The following SKP2 variants were observed in gnomAD, a reference collection of about 807,000 sequenced individuals.
SKP2 encodes the protein S-phase kinase-associated protein 2.
SKP2 carries 16 observed loss-of-function variants against 51.8 expected under a neutral mutation model. That is an observed-to-expected ratio of 0.31 (90% confidence interval 0.21 to 0.47). The LOEUF (loss-of-function observed/expected upper bound fraction) is 0.47, where lower values mean the gene tolerates loss of function less well. SKP2 is among the 20% of genes least tolerant of loss of function. The probability of loss-of-function intolerance (pLI) is 1.00; values close to 1 mark genes in which losing one functional copy is unlikely to be tolerated. For missense variants in SKP2, 377 were observed against 505.3 expected, an observed-to-expected ratio of 0.75 and a Z score of 2.43; for synonymous variants, 176 against 198.6, an observed-to-expected ratio of 0.89 and a Z score of 0.96.
downstream of SKP2, among the ~76,000 whole-genome samples, chr5:36,186,349 T>C (rs1745955528): frequency 6.6e-6 from 1 of 152,358 alleles, no homozygotes; most frequent in African/African-American, 2.4e-5. Context: ...AAGGGAATGC[T>C]TCCAGTTTTT....
chr5:36,157,073 C>G (rs1312747671), intron 2 of SKP2, among the ~76,000 whole-genome samples: 1 of 152,144 alleles, frequency 6.6e-6, no homozygotes, highest in Non-Finnish European at 1.5e-5. Flanking sequence ...ATATGCTAGT[C>G]AAACCCACTA....
At chr5:36,174,899 G>C (rs572984434) in intron 7 of SKP2, among the ~76,000 whole-genome samples, 3 of 152,092 alleles carry the variant, frequency 2.0e-5, no homozygotes, top group African/African-American at 7.2e-5. Context: ...GGAGCAGGGA[G>C]AACAGTGAGA....
intron 3 of SKP2, among the ~76,000 whole-genome samples, 179 bp downstream of exon 3, chr5:36,163,935 G>A (rs1745205832): frequency 6.6e-6 from 1 of 152,168 alleles, no homozygotes; most frequent in South Asian, 2.1e-4. Context: ...GGAATTTCCT[G>A]GGAGGGATAA....
At chr5:36,162,690 G>A (rs1745159976) in intron 2 of SKP2, among the ~76,000 whole-genome samples, 1 of 152,134 alleles carries the variant, frequency 6.6e-6, no homozygotes, top group African/African-American at 2.4e-5. Context: ...ATACCCTTTT[G>A]TATTGCTCTT....
intron 1 of SKP2, among the ~76,000 whole-genome samples, chr5:36,152,510 C>G (rs1347260966): frequency 6.6e-6 from 1 of 152,148 alleles, no homozygotes; most frequent in Admixed American, 6.5e-5. Context: ...TATGATTGCC[C>G]TGTCTCTCTC....
intron 7 of SKP2, among the ~76,000 whole-genome samples, chr5:36,174,906 G>A (rs913712068): frequency 2.0e-5 from 3 of 152,108 alleles, no homozygotes; most frequent in African/African-American, 4.8e-5. Context: ...GGAGAACAGT[G>A]AGAGGAGAAA....
chr5:36,187,340 C>T (rs2432205), downstream of SKP2, among the ~76,000 whole-genome samples: 75,270 of 151,948 alleles, frequency 0.5, 19,976 homozygotes, highest in South Asian at 0.7. Context: ...GGTATCAATT[C>T]TAGATCTTTC....
chr5:36,190,067 A>T (rs1405228802), intron 6 of SKP2, among the ~76,000 whole-genome samples: 1 of 152,192 alleles, frequency 6.6e-6, no homozygotes, highest in Non-Finnish European at 1.5e-5. Context: ...AGACCATTGG[A>T]AAAGCACAGT....
chr5:36,172,435 G>A (rs1379235387), intron 7 of SKP2, among the ~76,000 whole-genome samples: 5 of 152,172 alleles, frequency 3.3e-5, no homozygotes, highest in Non-Finnish European at 7.4e-5. Context: ...GTATGTTAAT[G>A]AGAAAATCTT....
intron 7 of SKP2, among the ~76,000 whole-genome samples, chr5:36,175,086 C>T (rs1443344621): frequency 1.3e-5 from 2 of 152,048 alleles, no homozygotes; most frequent in African/African-American, 4.8e-5. Context: ...AAGTATGAAG[C>T]AGGGAGACCA....
chr5:36,181,596 T>C (rs1745812909), intron 9 of SKP2, among the ~76,000 whole-genome samples: 1 of 152,218 alleles, frequency 6.6e-6, no homozygotes, highest in Non-Finnish European at 1.5e-5. Flanking sequence ...AGGAACCTCA[T>C]TCAATAAAAT....
chr5:36,178,199 G>A (rs1184903972), intron 9 of SKP2, among the ~76,000 whole-genome samples: 1 of 152,180 alleles, frequency 6.6e-6, no homozygotes, highest in Non-Finnish European at 1.5e-5. Context: ...TGCCCAACAT[G>A]TCTTGAATGC....
chr5:36,183,216 A>C lies in SKP2; in HGVS notation c.*1185A>C, dbSNP rs1249369681. On this transcript the variant is annotated 3_prime_UTR_variant, in exon 10 of 10. Transcript: ENST00000274255. ...GACCTTTTGATACCATCAGTGATAT[A>C]TATTTTTTTAAACTGGTACAGAGAA... 1.0e-6 allele frequency: 1 copy of C among 960,782 alleles called. No homozygotes were observed. Among genetic ancestry groups the C allele is most frequent in the East Asian group, 1.1e-4 (1 of 8,704 alleles). 59.5% of individuals were successfully genotyped at this position (960,782 alleles called of 1,614,324 possible).
At chr5:36,179,800 A>G (rs761708882) in intron 9 of SKP2, among the ~76,000 whole-genome samples, 21 of 152,070 alleles carry the variant, frequency 1.4e-4, no homozygotes, top group Non-Finnish European at 2.5e-4. Context: ...CTCTTGAACT[A>G]CTTATTTCTA....
At chr5:36,186,168 T>G (rs1037776333), downstream of SKP2, among the ~76,000 whole-genome samples, 5 of 152,212 alleles carry the variant, frequency 3.3e-5, no homozygotes, top group African/African-American at 1.2e-4. Flanking sequence ...ACGATGGGGT[T>G]TTCTAAATAT....
intron 9 of SKP2, 134 bp downstream of exon 9, chr5:36,177,426 T>C (rs1185001460): frequency 1.4e-6 from 1 of 736,352 alleles, no homozygotes; most frequent in South Asian, 1.4e-5. Context: ...AGACTGGCTA[T>C]GAAAGACCAG....
At chr5:36,154,572 TTG>T (rs1204372028) in intron 2 of SKP2, among the ~76,000 whole-genome samples, 2 of 152,212 alleles carry the variant, frequency 1.3e-5, no homozygotes, top group African/African-American at 2.4e-5. Flanking sequence ...TCTTGCTCTG[TTG>T]CCCAGGCTGG....
At chr5:36,158,403 C>A (rs966328520) in intron 2 of SKP2, among the ~76,000 whole-genome samples, 1 of 152,212 alleles carries the variant, frequency 6.6e-6, no homozygotes, top group African/African-American at 2.4e-5. Context: ...ACTTCTGCCC[C>A]ATCTGCTGGG....
chr5:36,154,189 C>A (rs1181287549), intron 2 of SKP2, among the ~76,000 whole-genome samples: 1 of 152,042 alleles, frequency 6.6e-6, no homozygotes, highest in Non-Finnish European at 1.5e-5. Context: ...ATAGAGTGCA[C>A]TTTTAAACCA....
Sources: allele counts gnomAD v4.1 joint callset (sites outside exome capture counted in the v4.1 genomes callset), GRCh38; gene constraint gnomAD v4.1.1; transcripts MANE v1.5; gene names NCBI Gene and HGNC (gene_info 2026-07-23, HGNC 2026-07-21).